The following PTPRD variants were observed in gnomAD, a reference collection of about 807,000 sequenced individuals.
The protein encoded by PTPRD is protein tyrosine phosphatase receptor type D, also known as receptor-type tyrosine-protein phosphatase delta.
In PTPRD, 34 loss-of-function variants were observed where a neutral mutation model predicts 214.5. The observed-to-expected ratio is 0.16, with a 90% confidence interval of 0.12 to 0.21. PTPRD has a LOEUF of 0.21. Among genes scored for constraint, PTPRD ranks in the 10% least tolerant of loss-of-function variants. PTPRD has a pLI of 1.00. For missense variants in PTPRD, 2,545 were observed against 2,398.7 expected, an observed-to-expected ratio of 1.06 and a Z score of -1.27; for synonymous variants, 1,128 against 845.7, an observed-to-expected ratio of 1.33 and a Z score of -5.79.
At chr9:10,428,972 G>T (rs678085) in intron 2 of PTPRD, among the ~76,000 whole-genome samples, 9 of 151,872 alleles carry the variant, frequency 5.9e-5, no homozygotes, top group Non-Finnish European at 1.2e-4. Flanking sequence ...AGTACCTGTC[G>T]CATAGGGTTG....
At chr9:10,405,162 A>C (rs2154500054) in intron 2 of PTPRD, among the ~76,000 whole-genome samples, 1 of 151,732 alleles carries the variant, frequency 6.6e-6, no homozygotes, top group East Asian at 2.0e-4. Context: ...TTAACCTTCC[A>C]AAAAAGGAAC....
chr9:9,670,674 T>C (rs926766745), intron 7 of PTPRD, among the ~76,000 whole-genome samples: 1 of 152,194 alleles, frequency 6.6e-6, no homozygotes, highest in Non-Finnish European at 1.5e-5. Context: ...GTGCCTGCCA[T>C]GGCTGAAAGT....
At chr9:8,795,129 T>A (rs1355300038) in intron 11 of PTPRD, among the ~76,000 whole-genome samples, 2 of 152,096 alleles carry the variant, frequency 1.3e-5, no homozygotes, top group African/African-American at 2.4e-5. Flanking sequence ...TGGGAAAACA[T>A]TAGTATCATC....
intron 5 of PTPRD, among the ~76,000 whole-genome samples, chr9:9,857,089 A>T (rs1236001443): frequency 6.6e-6 from 1 of 152,192 alleles, no homozygotes; most frequent in Non-Finnish European, 1.5e-5. Context: ...GGGGCAGCAT[A>T]AAGACATTAA....
intron 12 of PTPRD, among the ~76,000 whole-genome samples, chr9:8,700,056 A>C (rs1303684521): frequency 6.6e-6 from 1 of 152,206 alleles, no homozygotes; most frequent in Non-Finnish European, 1.5e-5. Flanking sequence ...ACAGTGGTAC[A>C]ACTGCCAGTA....
chr9:10,007,436 T>C (rs2096503561), intron 4 of PTPRD, among the ~76,000 whole-genome samples: 1 of 152,024 alleles, frequency 6.6e-6, no homozygotes, highest in Non-Finnish European at 1.5e-5. Flanking sequence ...ATTATAACAG[T>C]GAGAATACGA....
intron 22 of PTPRD, 98 bp downstream of exon 22, chr9:8,507,203 A>C (rs2097560236): frequency 7.2e-7 from 1 of 1,390,106 alleles, no homozygotes. Flanking sequence ...CAAGGTCCTC[A>C]ATAGCTCTCT....
At chr9:8,678,322 A>C (rs2097478782) in intron 12 of PTPRD, among the ~76,000 whole-genome samples, 1 of 152,188 alleles carries the variant, frequency 6.6e-6, no homozygotes. Context: ...GACCTTTTCA[A>C]AACCACGGTT....
chr9:8,975,668 G>A (rs2099264063), intron 11 of PTPRD, among the ~76,000 whole-genome samples: 2 of 151,730 alleles, frequency 1.3e-5, no homozygotes, highest in Admixed American at 6.6e-5. Context: ...TTTATTCAGT[G>A]TAATAAACAT....
intron 2 of PTPRD, among the ~76,000 whole-genome samples, chr9:10,391,893 A>G (rs945570371): frequency 1.6e-4 from 24 of 151,612 alleles, no homozygotes; most frequent in African/African-American, 5.1e-4. Flanking sequence ...TGCACTTGCT[A>G]TATCTATTAT....
At chr9:9,828,319 C>A (rs1239949594) in intron 5 of PTPRD, among the ~76,000 whole-genome samples, 1 of 152,080 alleles carries the variant, frequency 6.6e-6, no homozygotes, top group African/African-American at 2.4e-5. Flanking sequence ...GAATACTATG[C>A]AGCCATAAAA....
At chr9:9,299,365 G>T (rs1390696448) in intron 9 of PTPRD, among the ~76,000 whole-genome samples, 1 of 151,782 alleles carries the variant, frequency 6.6e-6, no homozygotes, top group Admixed American at 6.6e-5. Flanking sequence ...GCTGCTACTG[G>T]CATCTGGTGG....
intron 22 of PTPRD, among the ~76,000 whole-genome samples, chr9:8,505,138 T>C (rs2097514916): frequency 6.6e-6 from 1 of 152,204 alleles, no homozygotes; most frequent in South Asian, 2.1e-4. Context: ...GTTAATCAAA[T>C]GCTATAACTC....
At chr9:9,493,689 G>C (rs2096027775) in intron 8 of PTPRD, among the ~76,000 whole-genome samples, 1 of 150,154 alleles carries the variant, frequency 6.7e-6, no homozygotes, top group African/African-American at 2.5e-5. Context: ...TCAGGAGGCT[G>C]AGGCAGGAGA....
intron 8 of PTPRD, among the ~76,000 whole-genome samples, chr9:9,429,381 G>A (rs111601398): frequency 0.066 from 9,960 of 152,036 alleles, 360 homozygotes; most frequent in Middle Eastern, 0.17. Context: ...TAGACCAATA[G>A]CAGGCTCTGA....
chr9:9,998,122 A>AT (rs1329226614), intron 4 of PTPRD, among the ~76,000 whole-genome samples: 24 of 74,810 alleles, frequency 3.2e-4, no homozygotes, highest in East Asian at 1.0e-3. Context: ...TAATAAAAAA[A>AT]AAAAAAAATA....
At chr9:8,965,354 T>C (rs549076964) in intron 11 of PTPRD, among the ~76,000 whole-genome samples, 35 of 148,602 alleles carry the variant, frequency 2.4e-4, no homozygotes, top group African/African-American at 8.5e-4. Flanking sequence ...CACTCCAGCC[T>C]GGGTGACAGA....
intron 44 of PTPRD, among the ~76,000 whole-genome samples, chr9:8,323,099 G>A (rs1309035178): frequency 6.6e-6 from 1 of 152,126 alleles, no homozygotes; most frequent in Non-Finnish European, 1.5e-5. Flanking sequence ...TCTATAAATG[G>A]AACAAGAAAG....
At chr9:8,364,353 T>C (rs1324781325) in intron 39 of PTPRD, among the ~76,000 whole-genome samples, 1 of 152,256 alleles carries the variant, frequency 6.6e-6, no homozygotes, top group African/African-American at 2.4e-5. Context: ...ACACAGTTTT[T>C]ATTTCGGTTC....
Sources: gnomAD v4.1 joint callset for allele counts (sites outside exome capture counted in the v4.1 genomes callset) on GRCh38, gnomAD v4.1.1 for gene constraint, MANE v1.5 for transcripts, NCBI Gene and HGNC (gene_info 2026-07-23, HGNC 2026-07-21) for gene names.